The following SMIM24 variants were observed in gnomAD, a reference collection of about 807,000 sequenced individuals.
SMIM24 encodes the protein MAP17-related dimer.
SMIM24 carries 6 observed loss-of-function variants against 10.8 expected under a neutral mutation model. The observed-to-expected ratio is 0.55, with a 90% CI of 0.30 to 1.09. The LOEUF (loss-of-function observed/expected upper bound fraction) is 1.09. SMIM24 is among the 50% of genes least tolerant of loss of function. The pLI, the probability that SMIM24 is intolerant of heterozygous loss-of-function variation, is 0.06. For synonymous variants in SMIM24, 71 were observed against 62.4 expected (o/e 1.14, Z -0.65); for missense variants, 151 against 153.4 (o/e 0.98, Z 0.08).
In SMIM24 at chr19:3,478,421, C is replaced by G. The variant is rs539631539; in HGVS notation, c.237G>C (p.Gln79His). The change falls in exon 3 of 4, where the codon CAG (glutamine) becomes CAC (histidine). Residue 79 changes from glutamine (Q) to histidine (H), a missense_variant and splice_region_variant. Physicochemically the swap from Gln to His is conservative, Grantham distance 24. Transcript: ENST00000215531. The stretch of plus-strand genomic sequence containing the variant: ...CCCAGCATCCGCACGCATAGTACCT[C>G]TGGTCCTGGTATAGGTTGGACTCCA... Reference protein sequence around the residue: ...FRMESNLYQDQSEDKREKKEA... With the variant: ...FRMESNLYQDHSEDKREKKEA... 1.3e-6 allele frequency: 2 copies of G among 1,549,036 alleles called. No individual in the cohort carries two copies. The highest frequency in any genetic ancestry group is 4.9e-5 in the East Asian group (2 of 40,822).
In SMIM24 at chr19:3,478,882, C is replaced by G. The variant is rs1476453071; in HGVS notation, c.115G>C (p.Val39Leu). The G allele has an allele frequency of 2.6e-6, 4 of 1,549,878 alleles. No homozygotes were observed. The highest frequency in any genetic ancestry group is 3.5e-6 in the Non-Finnish European group (4 of 1,146,802). Reference sequence around the variant, plus strand: ...AAATAGACGATGAACAGGAAGCCGACTACCGCAGCCAGGCCCACCAGCCAC... The same window carrying G: ...AAATAGACGATGAACAGGAAGCCGAGTACCGCAGCCAGGCCCACCAGCCAC... ...KPWLVGLAAV[V>L]GFLFIVYLVL... Residue 39 changes from valine to leucine, a missense_variant, in exon 2 of 4, where the codon GTC becomes CTC. Coordinates refer to ENST00000215531, the MANE Select transcript of SMIM24 (RefSeq NM_001136503.2).
In SMIM24 at chr19:3,474,857, T is replaced by A. The variant is rs1463890586; in HGVS notation, c.379A>T (p.Ser127Cys). The change falls in exon 4 of 4, where the codon AGC becomes TGC. Residue 127 changes from serine (S) to cysteine (C), a missense_variant. By Grantham distance (112) the Ser-to-Cys change is moderately radical. Coordinates refer to ENST00000215531, the MANE Select transcript of SMIM24 (RefSeq NM_001136503.2). ...KEPGDHERAK[S>C]TVM is the part of the protein sequence containing the mutation. The stretch of plus-strand genomic sequence containing the variant: ...GCCAGGAATCTTCACATGACTGTGC[T>A]CTTTGCTCTCTCATGGTCTCCGGGC... The A allele has an allele frequency of 1.9e-6, 3 of 1,551,510 alleles. No individual in the cohort carries two copies. The highest frequency in any genetic ancestry group is 2.6e-6 in the Non-Finnish European group (3 of 1,146,950).
chr19:3,478,532 T>C (rs1454939383), intron 2 of SMIM24, 54 bp from the exon 3 acceptor site: 1 of 1,459,036 alleles, frequency 6.9e-7, no homozygotes, highest in Non-Finnish European at 9.3e-7. Flanking sequence ...AAGGGGGCGG[T>C]AAAGGGAAGG....
chr19:3,477,517 TGATG>T (rs2082798387), intron 3 of SMIM24, among the ~76,000 whole-genome samples: 1 of 136,816 alleles, frequency 7.3e-6, no homozygotes, highest in African/African-American at 2.8e-5. Context: ...GGATGGTGGG[TGATG>T]GATGGATGGG....
intron 3 of SMIM24, among the ~76,000 whole-genome samples, chr19:3,475,301 G>A (rs1375573230): frequency 1.3e-5 from 2 of 152,052 alleles, no homozygotes; most frequent in Non-Finnish European, 2.9e-5. Flanking sequence ...TGGGTGCAGT[G>A]GCTGGACAGA....
intron 2 of SMIM24, 98 bp from the exon 3 acceptor site, chr19:3,478,576 C>T (rs1184058717): frequency 1.8e-5 from 21 of 1,192,588 alleles, no homozygotes; most frequent in Non-Finnish European, 2.3e-5. Flanking sequence ...CTGTCCCAAC[C>T]TCCCAGCCGG....
intron 1 of SMIM24, among the ~76,000 whole-genome samples, 164 bp downstream of exon 1, chr19:3,480,233 G>T (rs914363515): frequency 6.6e-6 from 1 of 151,954 alleles, no homozygotes; most frequent in African/African-American, 2.4e-5. Context: ...AGCCCAGCGA[G>T]AGGGAGGCCG....
intron 2 of SMIM24, 55 bp from the exon 3 acceptor site, chr19:3,478,533 A>C: frequency 1.4e-6 from 2 of 1,456,586 alleles, no homozygotes; most frequent in Non-Finnish European, 1.9e-6. Context: ...AGGGGGCGGT[A>C]AAGGGAAGGA....
At chr19:3,476,886 G>GA (rs2082794210) in intron 3 of SMIM24, among the ~76,000 whole-genome samples, 1 of 148,662 alleles carries the variant, frequency 6.7e-6, no homozygotes, top group Non-Finnish European at 1.5e-5. Context: ...ATGGATGGGT[G>GA]GATGGGTGGG....
At chr19:3,476,142 T>C (rs1740898984) in intron 3 of SMIM24, among the ~76,000 whole-genome samples, 1 of 151,420 alleles carries the variant, frequency 6.6e-6, no homozygotes, top group African/African-American at 2.4e-5. Context: ...GGTGAATTGA[T>C]GGTTGCATGG....
intron 2 of SMIM24, 105 bp from the exon 3 acceptor site, chr19:3,478,583 C>T (rs868090989): frequency 1.7e-6 from 2 of 1,146,700 alleles, no homozygotes; most frequent in African/African-American, 1.6e-5. Flanking sequence ...AACCTCCCAG[C>T]CGGGGCTCAT....
rs1054290467 is a variant in SMIM24, at chr19:3,478,884, A to G, written c.113T>C (p.Val38Ala). 4.5e-6 allele frequency: 7 copies of G among 1,549,866 alleles called. No individual in the cohort carries two copies. In the East Asian group the frequency reaches 1.7e-4, roughly 38 times the overall value. ...LKPWLVGLAA[V>A]VGFLFIVYLV... ...ATAGACGATGAACAGGAAGCCGACTACCGCAGCCAGGCCCACCAGCCACGG... is the reference window on the plus strand; with the variant it reads ...ATAGACGATGAACAGGAAGCCGACTGCCGCAGCCAGGCCCACCAGCCACGG... The change falls in exon 2 of 4, where the codon GTA becomes GCA. Residue 38 changes from valine (V) to alanine (A), a missense_variant. By Grantham distance (64) the Val-to-Ala change is moderately conservative. Transcript: ENST00000215531.
chr19:3,476,177 A>G (rs1409958261), intron 3 of SMIM24, among the ~76,000 whole-genome samples: 1 of 151,824 alleles, frequency 6.6e-6, no homozygotes, highest in African/African-American at 2.4e-5. Context: ...TAATAAGTAG[A>G]TGAATGGATG....
Position 3,478,458 on chromosome 19 carries a change from G to A in SMIM24, c.200C>T (p.Thr67Ile), listed in dbSNP as rs145723843. ...SKARAEDEEE[T>I]TFRMESNLYQ... The stretch of plus-strand genomic sequence containing the variant: ...TAGGTTGGACTCCATTCTGAACGTG[G>A]TCTCCTCCTCGTCCTCAGCCCTGCA... Residue 67 changes from threonine to isoleucine, a missense_variant, in exon 3 of 4, where the codon ACC (threonine) becomes ATC (isoleucine). By Grantham distance (89) the Thr-to-Ile change is moderately conservative (BLOSUM62 -1). Coordinates refer to ENST00000215531, the MANE Select transcript of SMIM24 (RefSeq NM_001136503.2). 0.02 allele frequency: 30,598 copies of A among 1,549,028 alleles called. 410 individuals carry two copies. Among genetic ancestry groups the A allele is most frequent in the Non-Finnish European group, 0.023 (25,831 of 1,146,164 alleles).
Position 3,474,737 on chromosome 19 carries a change from G to T in SMIM24, c.*106C>A. ...TCTTCACTTGAGAACACTGTATTCT[G>T]AATCCCAGATGGAGTCATTTCACGG... On this transcript the variant is annotated 3_prime_UTR_variant, in exon 4 of 4. Coordinates refer to ENST00000215531, the MANE Select transcript of SMIM24 (RefSeq NM_001136503.2). 7.2e-7 allele frequency: 1 copy of T among 1,380,070 alleles called. No individual in the cohort carries two copies. Among genetic ancestry groups the T allele is most frequent in the South Asian group, 1.5e-5 (1 of 67,342 alleles). 85.5% of individuals were successfully genotyped at this position (1,380,070 alleles called of 1,614,324 possible).
Position 3,478,856 on chromosome 19 carries a change from C to G in SMIM24, c.141G>C (p.Leu47Phe). The G allele has an allele frequency of 6.5e-7, 1 of 1,549,830 alleles. No individual in the cohort carries two copies. Among genetic ancestry groups the G allele is most frequent in the African/African-American group, 1.4e-5 (1 of 73,064 alleles). The change falls in exon 2 of 4, where the codon TTG becomes TTC. Residue 47 changes from leucine to phenylalanine, a missense_variant. By Grantham distance (22) the Leu-to-Phe change is conservative (BLOSUM62 0). Transcript: ENST00000215531. ...AVVGFLFIVYLVLLANRLWCS... is the reference protein window; with the variant it reads ...AVVGFLFIVYFVLLANRLWCS... Reference sequence around the variant, plus strand: ...ACCAGAGGCGGTTGGCCAGCAAGACCAAATAGACGATGAACAGGAAGCCGA... The same window carrying G: ...ACCAGAGGCGGTTGGCCAGCAAGACGAAATAGACGATGAACAGGAAGCCGA...
chr19:3,479,050 G>A (rs1272022317), intron 1 of SMIM24, 121 bp from the exon 2 acceptor site: 1 of 735,694 alleles, frequency 1.4e-6, no homozygotes, highest in East Asian at 2.8e-5. Context: ...GGGGGTATTG[G>A]AAAGGGACGG....
rs1469848019 is a variant in SMIM24, at chr19:3,478,826, GGAACACCA to G, written c.163_170del (p.Trp55GlnfsTer5). The G allele has an allele frequency of 6.5e-7, 1 of 1,548,996 alleles. No homozygotes were observed. The highest frequency in any genetic ancestry group is 1.4e-5 in the African/African-American group (1 of 72,900). On this transcript the variant is annotated frameshift_variant, in exon 2 of 4. Coordinates refer to ENST00000215531, the MANE Select transcript of SMIM24 (RefSeq NM_001136503.2). LOFTEE classifies it high-confidence loss of function. ...TGGGGGCGGGCACCCACCTGGCCTT[GGAACACCA>G]GAGGCGGTTGGCCAGCAAGACCAAA...
intron 2 of SMIM24, 106 bp from the exon 3 acceptor site, chr19:3,478,584 C>G (rs1405934914): frequency 8.8e-7 from 1 of 1,134,070 alleles, no homozygotes; most frequent in African/African-American, 1.6e-5. Flanking sequence ...ACCTCCCAGC[C>G]GGGGCTCATG....
Sources: gnomAD v4.1 joint callset for allele counts (sites outside exome capture counted in the v4.1 genomes callset) on GRCh38, gnomAD v4.1.1 for gene constraint, MANE v1.5 for transcripts, NCBI Gene and HGNC (gene_info 2026-07-23, HGNC 2026-07-21) for gene names.